The following RBFOX1 variants were observed in gnomAD, a reference collection of about 807,000 sequenced individuals.
RBFOX1 encodes the protein RNA binding fox-1 homolog 1, also known as RNA binding protein fox-1 homolog 1.
Under a neutral mutation model 57.7 loss-of-function variants are expected in RBFOX1, and 8 were observed. The observed-to-expected ratio is 0.14, with a 90% CI of 0.08 to 0.25. The LOEUF (loss-of-function observed/expected upper bound fraction) is 0.25. Ranked by LOEUF, RBFOX1 falls within the 10% of genes least tolerant of loss-of-function variation. The pLI is 1.00. For missense variants in RBFOX1, 611 were observed against 548.5 expected (o/e 1.11, Z -1.14); for synonymous variants, 326 against 222.4 (o/e 1.47, Z -4.15).
chr16:6,620,905 C>T (rs2098220351), intron 2 of RBFOX1, among the ~76,000 whole-genome samples: 1 of 152,226 alleles, frequency 6.6e-6, no homozygotes, highest in Non-Finnish European at 1.5e-5. Flanking sequence ...TAACAAATTA[C>T]CACAAACTGG....
rs78658825 is a variant in RBFOX1 at position 5,502,392 on chromosome 16, G to C, written c.258+35138G>C. ...ACTGTAGGGGTGGGATGTGGAGAAG[G>C]CTCCTGATCATTCTTCCTCGGCTTG... On this transcript the variant is annotated intron_variant, in intron 2 of 2. Transcript: ENST00000585867. Among the ~76,000 whole-genome samples, 617 of 152,286 alleles carry C rather than the reference G, an allele frequency of 4.1e-3. 8 individuals are homozygous for C. The highest frequency in any genetic ancestry group is 0.013 in the African/African-American group (555 of 41,556).
intron 4 of RBFOX1, among the ~76,000 whole-genome samples, chr16:5,970,995 C>T (rs2059950423): frequency 6.6e-6 from 1 of 152,220 alleles, no homozygotes; most frequent in South Asian, 2.1e-4. Flanking sequence ...CACAAGGAGA[C>T]ATCTCTATCC....
intron 5 of RBFOX1, among the ~76,000 whole-genome samples, chr16:7,528,937 T>G (rs1043614548): frequency 1.3e-5 from 2 of 152,138 alleles, no homozygotes; most frequent in African/African-American, 4.8e-5. Context: ...TCGTTGCACA[T>G]ATTTAAAAAG....
At chr16:6,585,330 T>G (rs567466188) in intron 2 of RBFOX1, among the ~76,000 whole-genome samples, 213 of 152,262 alleles carry the variant, frequency 1.4e-3, no homozygotes, top group Non-Finnish European at 2.4e-3. Context: ...TTACACACAT[T>G]TATGGTGTGA....
At chr16:6,174,085 G>C (rs909783088) in intron 1 of RBFOX1, among the ~76,000 whole-genome samples, 4 of 152,136 alleles carry the variant, frequency 2.6e-5, no homozygotes, top group African/African-American at 9.7e-5. Context: ...TCATCACCCT[G>C]TGGTTGAGAG....
intron 2 of RBFOX1, among the ~76,000 whole-genome samples, chr16:6,382,520 C>T (rs529441215): frequency 2.0e-5 from 3 of 152,274 alleles, no homozygotes; most frequent in Admixed American, 6.5e-5. Context: ...CCTCAGCTGT[C>T]CTATCTGTGT....
intron 1 of RBFOX1, among the ~76,000 whole-genome samples, chr16:5,340,488 A>C (rs2065009097): frequency 6.6e-6 from 1 of 152,218 alleles, no homozygotes. Context: ...ACATATTGGG[A>C]GTGATGGCAT....
At chr16:5,940,473 C>G (rs1356695499) in intron 4 of RBFOX1, among the ~76,000 whole-genome samples, 1 of 152,132 alleles carries the variant, frequency 6.6e-6, no homozygotes, top group Non-Finnish European at 1.5e-5. Flanking sequence ...CCTGGAAAAC[C>G]ATGGGGGAAT....
intron 10 of RBFOX1, among the ~76,000 whole-genome samples, chr16:7,608,491 C>A (rs2056787781): frequency 6.6e-6 from 1 of 152,196 alleles, no homozygotes; most frequent in African/African-American, 2.4e-5. Flanking sequence ...TCTAACACTG[C>A]AAAATAGCTG....
chr16:7,634,620 CATAAAAGTA>C (rs982045455), intron 11 of RBFOX1, among the ~76,000 whole-genome samples: 46 of 152,164 alleles, frequency 3.0e-4, no homozygotes, highest in African/African-American at 1.0e-3. Context: ...ACCCAGGACT[CATAAAAGTA>C]TTAAGAGAAA....
At chr16:5,602,618 G>T (rs910505961), downstream of RBFOX1, among the ~76,000 whole-genome samples, 1 of 152,228 alleles carries the variant, frequency 6.6e-6, no homozygotes, top group Non-Finnish European at 1.5e-5. Flanking sequence ...AGTGCAGAGA[G>T]ATGTCAGAAA....
intron 4 of RBFOX1, among the ~76,000 whole-genome samples, chr16:7,265,854 A>G (rs768616389): frequency 3.4e-4 from 52 of 151,748 alleles, no homozygotes; most frequent in African/African-American, 1.0e-3. Flanking sequence ...ATAACTCCCA[A>G]TGCTGGAGGT....
In RBFOX1 at chr16:5,866,691, C is replaced by T. The variant is rs529123271; in HGVS notation, c.319-612C>T. Among the ~76,000 whole-genome samples, 5 of 152,192 alleles carry T rather than the reference C, an allele frequency of 3.3e-5. 1 individual carries two copies. The South Asian group carries it at 1.0e-3, about 32-fold the overall frequency. On this transcript the variant is annotated intron_variant, in intron 3 of 19. Coordinates refer to the RBFOX1 transcript ENST00000641259. ...CTAATTTCTTATGCTTAATAACATC[C>T]CGACTTTGGAAAAGTTACCTAACTT...
At chr16:7,131,143 G>A (rs2070243823) in intron 4 of RBFOX1, among the ~76,000 whole-genome samples, 2 of 151,946 alleles carry the variant, frequency 1.3e-5, no homozygotes, top group African/African-American at 2.4e-5. Flanking sequence ...CCAGGAGTTC[G>A]AAACAAGCCT....
At chr16:6,079,725 A>G (rs1021679389) in intron 1 of RBFOX1, among the ~76,000 whole-genome samples, 15 of 152,114 alleles carry the variant, frequency 9.9e-5, no homozygotes, top group Admixed American at 5.2e-4. Flanking sequence ...GATCCTAGCT[A>G]CTCAGAAGGC....
intron 4 of RBFOX1, among the ~76,000 whole-genome samples, chr16:7,082,042 C>T (rs1342924777): frequency 2.0e-5 from 3 of 152,306 alleles, no homozygotes; most frequent in South Asian, 2.1e-4. Context: ...TCCTCCCATC[C>T]TCTCTGGTTC....
At chr16:7,294,406 G>A (rs1229645924) in intron 4 of RBFOX1, among the ~76,000 whole-genome samples, 1 of 151,878 alleles carries the variant, frequency 6.6e-6, no homozygotes, top group Non-Finnish European at 1.5e-5. Flanking sequence ...TTTAATTTGG[G>A]GTTCTACCTG....
intron 14 of RBFOX1, among the ~76,000 whole-genome samples, chr16:7,702,261 C>T (rs749481330): frequency 6.6e-6 from 1 of 152,122 alleles, no homozygotes; most frequent in Non-Finnish European, 1.5e-5. Flanking sequence ...GTCCTAAGCT[C>T]GGAATTTTTG....
intron 3 of RBFOX1, among the ~76,000 whole-genome samples, chr16:5,739,545 C>T (rs1025617414): frequency 5.9e-5 from 9 of 152,196 alleles, no homozygotes; most frequent in African/African-American, 1.2e-4. Flanking sequence ...TTTCTTTGAT[C>T]TTTATTCCCC....
Sources: gnomAD v4.1 joint callset for allele counts (sites outside exome capture counted in the v4.1 genomes callset) on GRCh38, gnomAD v4.1.1 for gene constraint, MANE v1.5 for transcripts, NCBI Gene and HGNC (gene_info 2026-07-23, HGNC 2026-07-21) for gene names.